The following GAA variants were observed in gnomAD, a reference collection of about 807,000 sequenced individuals.
The protein encoded by GAA is alpha glucosidase, also known as lysosomal alpha-glucosidase.
A neutral mutation model predicts 103.9 loss-of-function variants in GAA; 88 were observed. The observed-to-expected ratio is 0.85, with a 90% CI of 0.71 to 1.01. The LOEUF (loss-of-function observed/expected upper bound fraction) is 1.01, where lower values mean the gene tolerates loss of function less well. Among genes scored for constraint, GAA ranks in the 50% least tolerant of loss-of-function variants. The probability of loss-of-function intolerance (pLI) is 0.00; values close to 1 mark genes in which losing one functional copy is unlikely to be tolerated. For synonymous variants in GAA, 572 were observed against 563.1 expected, an observed-to-expected ratio of 1.02 and a Z score of -0.22; for missense variants, 1,350 against 1,305.3, an observed-to-expected ratio of 1.03 and a Z score of -0.53.
rs756148782 is a variant in GAA, at chr17:80,113,417, C to T, written c.2189+51C>T. 2.0e-6 allele frequency: 3 copies of T among 1,464,758 alleles called. No individual in the cohort carries two copies. In the South Asian group the frequency reaches 4.0e-5, roughly 19 times the overall value. The allele number at this position is 1,464,758 out of a possible 1,614,324, so 90.7% of individuals were successfully genotyped here. On this transcript the variant is annotated intron_variant, in intron 15 of 19. Coordinates refer to ENST00000302262, the MANE Select transcript of GAA (RefSeq NM_000152.5). ...GCCCATGTGTGCCCTGGGGGAGGGG[C>T]ACGTAACTCCCAGGCAGCCCTGTCC...
intron 1 of GAA, among the ~76,000 whole-genome samples, chr17:80,103,766 A>G (rs957459787): frequency 1.9e-4 from 29 of 152,284 alleles, no homozygotes; most frequent in African/African-American, 6.5e-4. Flanking sequence ...CAAAGTCGCC[A>G]GAGGTTAAGT....
At chr17:80,118,064 C>G in intron 17 of GAA, 129 bp from the exon 18 acceptor site, 1 of 1,092,102 alleles carries the variant, frequency 9.2e-7, no homozygotes, top group African/African-American at 1.6e-5. Flanking sequence ...GCCCCTGCGG[C>G]CGCAGGTGTT....
In GAA at chr17:80,104,904, C is replaced by T. The variant is rs762542246; in HGVS notation, c.318C>T (p.Arg106=). The change falls in exon 2 of 20, where the codon CGC becomes CGT. Residue 106 remains arginine (R), a synonymous_variant. Transcript: ENST00000302262. This position sits in a 1 kb window ranked among gnomAD's most constrained non-coding sequence, Gnocchi z 4.0. The part of the protein sequence containing the change: ...KAITQEQCEA[R]GCCYIPAKQG... ...TCACCCAGGAACAGTGCGAGGCCCG[C>T]GGCTGTTGCTACATCCCTGCAAAGC... 170 of 1,612,482 alleles carry T rather than the reference C, an allele frequency of 1.1e-4. 2 individuals are homozygous for T. Among genetic ancestry groups the T allele is most frequent in the Middle Eastern group, 8.3e-4 (5 of 6,060 alleles).
chr17:80,102,315 C>G (rs991580583), intron 1 of GAA: 4 of 152,258 alleles, frequency 2.6e-5, no homozygotes, highest in African/African-American at 9.6e-5. Flanking sequence ...GTGACTGTCT[C>G]TGGTCTTTGT....
At chr17:80,114,635 CTTT>C (rs72173877) in intron 15 of GAA, among the ~76,000 whole-genome samples, 8,834 of 152,180 alleles carry the variant, frequency 0.058, 506 homozygotes, top group South Asian at 0.15. Context: ...ATTCAATTAT[CTTT>C]TAAGTCAAAT....
At chr17:80,111,956 C>T in intron 11 of GAA, 27 bp from the exon 12 acceptor site, 1 of 1,601,592 alleles carries the variant, frequency 6.2e-7, no homozygotes. Context: ...AGGAAGCTCC[C>T]TGGAAACCAG....
Position 80,108,594 on chromosome 17 carries a change from C to G in GAA, c.1181C>G (p.Ala394Gly). Residue 394 changes from alanine (A) to glycine (G), a missense_variant, in exon 7 of 20, where the codon GCC (alanine) becomes GGC (glycine). Physicochemically the swap from Ala to Gly is moderately conservative, Grantham distance 60 (BLOSUM62 0). Coordinates refer to ENST00000302262, the MANE Select transcript of GAA (RefSeq NM_000152.5). ...CAGGTGGTGGAGAACATGACCAGGG[C>G]CCACTTCCCCCTGGTGAGTTGGGGT... ...TRQVVENMTR[A>G]HFPLDVQWND... 1 of 1,612,766 alleles carries G rather than the reference C, an allele frequency of 6.2e-7. No individual in the cohort carries two copies. Among genetic ancestry groups the G allele is most frequent in the Non-Finnish European group, 8.5e-7 (1 of 1,179,876 alleles).
rs944897851 is a variant in GAA, at chr17:80,101,698, G to C, written c.-225G>C. ...GGTGGGGCGGTCGGCTGCCCGCGCG[G>C]CCTCTCAGTTGGGAAAGCTGAGGTT... On this transcript the variant is annotated 5_prime_UTR_variant, in exon 1 of 20. Transcript: ENST00000302262. 8.5e-5 allele frequency: 13 copies of C among 152,322 alleles called. No individual in the cohort carries two copies. Among genetic ancestry groups the C allele is most frequent in the African/African-American group, 2.9e-4 (12 of 41,556 alleles). The allele number at this position is 152,322 out of a possible 1,614,324, so 9.4% of individuals were successfully genotyped here.
rs1428112902 is a variant in GAA at position 80,112,603 on chromosome 17, C to T, written c.1780C>T (p.Arg594Cys). ...HRALVKARGT[R>C]PFVISRSTFA... Reference sequence around the variant, plus strand: ...GGCGCTGGTGAAGGCTCGGGGGACACGCCCATTTGTGATCTCCCGCTCGAC... The same window carrying T: ...GGCGCTGGTGAAGGCTCGGGGGACATGCCCATTTGTGATCTCCCGCTCGAC... Residue 594 changes from arginine (R) to cysteine (C), a missense_variant, in exon 13 of 20, where the codon CGC becomes TGC. Physicochemically the swap from Arg to Cys is radical, Grantham distance 180. Coordinates refer to ENST00000302262, the MANE Select transcript of GAA (RefSeq NM_000152.5). 9.9e-6 allele frequency: 16 copies of T among 1,613,006 alleles called. No individual in the cohort carries two copies. The highest frequency in any genetic ancestry group is 2.2e-5 in the South Asian group (2 of 91,082).
chr17:80,104,609 G>A lies in GAA; in HGVS notation c.23G>A (p.Cys8Tyr), dbSNP rs746437229. 6.2e-7 allele frequency: 1 copy of A among 1,612,330 alleles called. No individual in the cohort carries two copies. The highest frequency in any genetic ancestry group is 1.1e-5 in the South Asian group (1 of 91,022). Residue 8 changes from cysteine to tyrosine, a missense_variant, in exon 2 of 20, where the codon TGC (cysteine) becomes TAC (tyrosine). Coordinates refer to ENST00000302262, the MANE Select transcript of GAA (RefSeq NM_000152.5). The surrounding 1 kb of genome is among the most constrained non-coding windows in gnomAD (Gnocchi z 4.0). The stretch of plus-strand genomic sequence containing the variant: ...ACCATGGGAGTGAGGCACCCGCCCT[G>A]CTCCCACCGGCTCCTGGCCGTCTGC... MGVRHPP[C>Y]SHRLLAVCAL... is the part of the protein sequence containing the mutation.
intron 6 of GAA, 33 bp downstream of exon 6, chr17:80,108,442 C>T: frequency 6.2e-7 from 1 of 1,613,218 alleles, no homozygotes; most frequent in Non-Finnish European, 8.5e-7. Flanking sequence ...GGCCCCCGCC[C>T]CAAGGCTCCC....
rs2304835 is a variant in GAA, at chr17:80,113,093, C to T, written c.2040+66C>T. On this transcript the variant is annotated intron_variant, in intron 14 of 19. Transcript: ENST00000302262. Reference sequence around the variant, plus strand: ...CCACCCAAGACTCTCCCCTGGGAATCCCACCCCTGCTGGAGAAGCACCCCA... The same window carrying T: ...CCACCCAAGACTCTCCCCTGGGAATTCCACCCCTGCTGGAGAAGCACCCCA... 101,651 of 1,432,450 alleles carry T rather than the reference C, an allele frequency of 0.071. 3,490 individuals carry two copies. Among genetic ancestry groups the T allele is most frequent in the African/African-American group, 0.075 (5,235 of 70,240 alleles). The allele number at this position is 1,432,450 out of a possible 1,614,324, so 88.7% of individuals were successfully genotyped here.
intron 15 of GAA, 184 bp from the exon 16 acceptor site, chr17:80,116,784 C>G (rs565618960): frequency 1.5e-6 from 1 of 662,526 alleles, no homozygotes; most frequent in South Asian, 1.7e-5. Flanking sequence ...TCTCCCAGCT[C>G]CGGCATTGAC....
At chr17:80,112,482 C>T (rs2143886988) in intron 12 of GAA, 96 bp from the exon 13 acceptor site, 2 of 1,502,736 alleles carry the variant, frequency 1.3e-6, no homozygotes, top group South Asian at 1.2e-5. Context: ...TGCCTCATCC[C>T]AGAAAGCTCC....
intron 5 of GAA, 47 bp downstream of exon 5, chr17:80,107,943 T>C: frequency 6.5e-7 from 1 of 1,536,036 alleles, no homozygotes; most frequent in Non-Finnish European, 8.9e-7. Flanking sequence ...TCCTCCGTGC[T>C]GCCTGCCCTG....
intron 8 of GAA, 27 bp downstream of exon 8, chr17:80,108,855 T>C: frequency 3.8e-6 from 6 of 1,569,006 alleles, no homozygotes; most frequent in Non-Finnish European, 4.3e-6. Context: ...TGTGGGTCTT[T>C]GGGAAGGGGG....
At position 80,109,431 on chromosome 17, in the gene GAA, G is replaced by A. The variant is rs72850826; in HGVS notation, c.1327-514G>A. ...CTGGTCCAGCCCGAGTCTGGTGTCC[G>A]GCACGATGGCCAGAGGAGGAGGTGG... is the stretch of plus-strand genomic sequence containing the variant. On this transcript the variant is annotated intron_variant, in intron 8 of 19. Transcript: ENST00000302262. Among the ~76,000 whole-genome samples the A allele has an allele frequency of 0.043, 6,600 of 152,314 alleles. 301 individuals carry two copies. The highest frequency in any genetic ancestry group is 0.24 in the East Asian group (1,230 of 5,162).
intron 15 of GAA, among the ~76,000 whole-genome samples, chr17:80,115,045 C>T (rs1176943881): frequency 6.6e-6 from 1 of 152,120 alleles, no homozygotes; most frequent in African/African-American, 2.4e-5. Context: ...GATGGTGTGT[C>T]TAGGTGTAGA....
In GAA at chr17:80,114,814, A is replaced by G. The variant is rs570481470; in HGVS notation, c.2189+1448A>G. 4.6e-5 allele frequency among the ~76,000 whole-genome samples: 7 copies of G among 152,310 alleles called. No individual in the cohort carries two copies. In the East Asian group the frequency reaches 1.3e-3, roughly 29 times the overall value. On this transcript the variant is annotated intron_variant, in intron 15 of 19. Coordinates refer to ENST00000302262, the MANE Select transcript of GAA (RefSeq NM_000152.5). ...AAGGACTCCCTTTAGTATTTATTGT[A>G]GGGCAGTTCTGCTAGTGATGAATTC...
Sources: allele counts gnomAD v4.1 joint callset (sites outside exome capture counted in the v4.1 genomes callset), GRCh38; gene constraint gnomAD v4.1.1; non-coding constraint Gnocchi (gnomAD v3.1); transcripts MANE v1.5; gene names NCBI Gene and HGNC (gene_info 2026-07-23, HGNC 2026-07-21).